ENPP6: variants seen among roughly 807,000 people sequenced by gnomAD.
ENPP6 encodes glycerophosphocholine cholinephosphodiesterase ENPP6.
ENPP6 carries 32 observed loss-of-function variants against 42.0 expected under a neutral mutation model. The observed-to-expected ratio is 0.76, with a 90% CI of 0.58 to 1.02. The LOEUF (loss-of-function observed/expected upper bound fraction) is 1.02. Among genes scored for constraint, ENPP6 ranks in the 50% least tolerant of loss-of-function variants. ENPP6 has a pLI of 0.00. For synonymous variants in ENPP6, 213 were observed against 216.0 expected (o/e 0.99, Z 0.12); for missense variants, 552 against 566.8 (o/e 0.97, Z 0.27).
chr4:184,124,546 A>G (rs1736471595), intron 2 of ENPP6, among the ~76,000 whole-genome samples: 1 of 152,218 alleles, frequency 6.6e-6, no homozygotes, highest in Admixed American at 6.5e-5. Flanking sequence ...TCCCAATTTG[A>G]AACAAAACAC....
intron 1 of ENPP6, among the ~76,000 whole-genome samples, chr4:184,172,495 T>G (rs918652867): frequency 6.6e-6 from 1 of 152,048 alleles, no homozygotes. Context: ...GCCCCTCCCA[T>G]GCGGTCTGAA....
At chr4:184,212,592 A>G (rs948884623) in intron 1 of ENPP6, among the ~76,000 whole-genome samples, 1 of 151,496 alleles carries the variant, frequency 6.6e-6, no homozygotes, top group Non-Finnish European at 1.5e-5. Context: ...ATAAAAGAGG[A>G]TACAAACAAA....
At chr4:184,172,760 A>G (rs1012947404) in intron 1 of ENPP6, among the ~76,000 whole-genome samples, 3 of 152,244 alleles carry the variant, frequency 2.0e-5, no homozygotes. Context: ...AGTGGAAAGT[A>G]ATGCAATCTC....
intron 2 of ENPP6, among the ~76,000 whole-genome samples, chr4:184,125,347 A>G (rs140189748): frequency 2.0e-4 from 31 of 152,338 alleles, no homozygotes; most frequent in Middle Eastern, 3.4e-3. Flanking sequence ...AAGGGTTCAG[A>G]GAACTTCTGA....
intron 1 of ENPP6, among the ~76,000 whole-genome samples, chr4:184,165,473 G>A (rs1737333177): frequency 1.3e-5 from 2 of 152,216 alleles, no homozygotes; most frequent in African/African-American, 4.8e-5. Context: ...AGCCTCATCA[G>A]TTCACCAGGG....
At chr4:184,151,110 G>T (rs1737017310) in intron 2 of ENPP6, among the ~76,000 whole-genome samples, 1 of 152,208 alleles carries the variant, frequency 6.6e-6, no homozygotes, top group Non-Finnish European at 1.5e-5. Flanking sequence ...GGCCAAGGTG[G>T]GTGGATCACC....
In ENPP6 at chr4:184,129,857, T is replaced by A. The variant is rs140415616; in HGVS notation, c.422-5585A>T. ...TTTGGAAGTATTTAAAGCAGGTTTA[T>A]GTCCAAAAAAGAGTAGAAGTAAATA... On this transcript the variant is annotated intron_variant, in intron 2 of 7. Coordinates refer to ENST00000296741, the MANE Select transcript of ENPP6 (RefSeq NM_153343.4). 4.7e-3 allele frequency among the ~76,000 whole-genome samples: 721 copies of A among 152,354 alleles called. 10 individuals are homozygous for A. Among genetic ancestry groups the A allele is most frequent in the African/African-American group, 0.016 (656 of 41,590 alleles).
At chr4:184,094,218 A>G (rs1312648534) in intron 7 of ENPP6, among the ~76,000 whole-genome samples, 3 of 152,192 alleles carry the variant, frequency 2.0e-5, no homozygotes, top group African/African-American at 7.2e-5. Flanking sequence ...GATGGAGGCT[A>G]CAAGTAAGCC....
intron 1 of ENPP6, among the ~76,000 whole-genome samples, chr4:184,212,776 G>A (rs866280566): frequency 0.014 from 2,176 of 151,890 alleles, 97 homozygotes; most frequent in African/African-American, 0.05. Flanking sequence ...AGCCCGTATC[G>A]CCAAGTCAAT....
In ENPP6 at chr4:184,090,371, T is replaced by A; in HGVS notation, c.*806A>T. ...CAGGGAAGGCAGGCAGGCCATCCAT[T>A]TGTCCATCAATATGCAGGGCCTGCT... On this transcript the variant is annotated 3_prime_UTR_variant, in exon 8 of 8. Coordinates refer to ENST00000296741, the MANE Select transcript of ENPP6 (RefSeq NM_153343.4). 6.6e-6 allele frequency: 1 copy of A among 152,402 alleles called. No individual in the cohort carries two copies. The highest frequency in any genetic ancestry group is 1.9e-4 in the East Asian group (1 of 5,192). The allele number at this position is 152,402 out of a possible 1,614,324, so 9.4% of individuals were successfully genotyped here.
intron 2 of ENPP6, among the ~76,000 whole-genome samples, chr4:184,135,129 T>C (rs1365366955): frequency 6.6e-6 from 1 of 152,178 alleles, no homozygotes; most frequent in Non-Finnish European, 1.5e-5. Flanking sequence ...TGACCATTTT[T>C]GATAAATATT....
intron 2 of ENPP6, among the ~76,000 whole-genome samples, chr4:184,129,317 C>CACAA (rs1304751633): frequency 4.6e-5 from 7 of 151,858 alleles, no homozygotes; most frequent in African/African-American, 1.7e-4. Context: ...CACACACACA[C>CACAA]ACACACACAC....
At chr4:184,151,905 A>G (rs921669618) in intron 2 of ENPP6, among the ~76,000 whole-genome samples, 2 of 152,302 alleles carry the variant, frequency 1.3e-5, no homozygotes, top group South Asian at 2.1e-4. Flanking sequence ...ACGAAAAGTT[A>G]TCTCCTTGTA....
chr4:184,185,893 A>T (rs555929589), intron 1 of ENPP6, among the ~76,000 whole-genome samples: 28 of 152,322 alleles, frequency 1.8e-4, no homozygotes, highest in South Asian at 4.1e-4. Flanking sequence ...AAAATATGGA[A>T]AATAGTCTAA....
intron 3 of ENPP6, among the ~76,000 whole-genome samples, chr4:184,121,127 A>C (rs1384271897): frequency 6.6e-6 from 1 of 152,240 alleles, no homozygotes; most frequent in Admixed American, 6.5e-5. Flanking sequence ...GTTACTGGAT[A>C]TCAAGCCCAT....
At chr4:184,182,673 A>G (rs113888058) in intron 1 of ENPP6, among the ~76,000 whole-genome samples, 28,602 of 152,160 alleles carry the variant, frequency 0.19, 5,304 homozygotes, top group African/African-American at 0.48. Context: ...ATACTATGCA[A>G]CCATAAAAAA....
Position 184,153,708 on chromosome 4 carries a change from C to A in ENPP6, c.267G>T (p.Met89Ile). 6.2e-7 allele frequency: 1 copy of A among 1,614,100 alleles called. No individual in the cohort carries two copies. The highest frequency in any genetic ancestry group is 1.1e-5 in the South Asian group (1 of 91,072). Residue 89 changes from methionine to isoleucine, a missense_variant, in exon 2 of 8, where the codon ATG (methionine) becomes ATT (isoleucine). Met to Ile is a conservative substitution (Grantham distance 10, BLOSUM62 1). Around this residue, in one of 2 missense-constraint regions of ENPP6, gnomAD observed 545 missense variants for 546.3 expected, o/e 1.00. Coordinates refer to ENST00000296741, the MANE Select transcript of ENPP6 (RefSeq NM_153343.4). The part of the protein sequence containing the change: ...MTGRHCEVHQ[M>I]IGNYMWDPTT... ...TGGGGTCCCACATGTAGTTCCCGATCATCTGATGGACTTCACAATGGCGGC... is the reference window on the plus strand; with the variant it reads ...TGGGGTCCCACATGTAGTTCCCGATAATCTGATGGACTTCACAATGGCGGC...
intron 1 of ENPP6, among the ~76,000 whole-genome samples, chr4:184,201,680 TAGG>T (rs2111115858): frequency 6.6e-6 from 1 of 152,208 alleles, no homozygotes; most frequent in African/African-American, 2.4e-5. Flanking sequence ...GGTCTGTTGA[TAGG>T]AGCTTAAATA....
Position 184,116,867 on chromosome 4 carries a change from T to C in ENPP6, c.844A>G (p.Lys282Glu). The change falls in exon 5 of 8, where the codon AAA becomes GAA. Residue 282 changes from lysine (K) to glutamate (E), a missense_variant. Lys to Glu is a moderately conservative substitution (Grantham distance 56). Transcript: ENST00000296741. ...CGGGTCTGTCTTGCCTCAGAGTGTT[T>C]CCCAGGGGCCGGCCAAAGGCTCACA... ...PVVSLWPAPG[K>E]HSEIYNKLST... 1 of 1,613,526 alleles carries C rather than the reference T, an allele frequency of 6.2e-7. No individual in the cohort carries two copies. Among genetic ancestry groups the C allele is most frequent in the Non-Finnish European group, 8.5e-7 (1 of 1,179,936 alleles).
Sources: gnomAD v4.1 joint callset for allele counts (sites outside exome capture counted in the v4.1 genomes callset) on GRCh38, gnomAD v4.1.1 for gene constraint, gnomAD v4.1.1 regional missense constraint, MANE v1.5 for transcripts, NCBI Gene and HGNC (gene_info 2026-07-23, HGNC 2026-07-21) for gene names.